The following KBTBD12 variants were observed in gnomAD, a reference collection of about 807,000 sequenced individuals.
KBTBD12 encodes kelch repeat and BTB domain-containing protein 12.
Under a neutral mutation model 58.7 loss-of-function variants are expected in KBTBD12, and 53 were observed. The ratio of observed to expected loss-of-function variants is 0.90; its 90% CI spans 0.72 to 1.14. The LOEUF is 1.14. Ranked by LOEUF, KBTBD12 falls within the 50% of genes most tolerant of loss-of-function variation. The probability of loss-of-function intolerance (pLI) is 0.00; values close to 1 mark genes in which losing one functional copy is unlikely to be tolerated. For missense variants in KBTBD12, 704 were observed against 751.3 expected, an observed-to-expected ratio of 0.94 and a Z score of 0.74; for synonymous variants, 236 against 259.8, an observed-to-expected ratio of 0.91 and a Z score of 0.88.
intron 2 of KBTBD12, among the ~76,000 whole-genome samples, chr3:127,927,108 A>T (rs1248470648): frequency 6.6e-6 from 1 of 152,116 alleles, no homozygotes; most frequent in East Asian, 1.9e-4. Flanking sequence ...CCTAGTTCTT[A>T]AGACTCTTAG....
At chr3:127,955,171 C>G (rs917498254) in intron 4 of KBTBD12, among the ~76,000 whole-genome samples, 1 of 152,130 alleles carries the variant, frequency 6.6e-6, no homozygotes, top group African/African-American at 2.4e-5. Context: ...TTTTACAGGT[C>G]TTATGGAGAA....
intron 4 of KBTBD12, among the ~76,000 whole-genome samples, chr3:127,936,976 T>C (rs1939842990): frequency 6.6e-6 from 1 of 152,170 alleles, no homozygotes; most frequent in Non-Finnish European, 1.5e-5. Flanking sequence ...GCTTGAATCA[T>C]GAATTTATTT....
intron 3 of KBTBD12, among the ~76,000 whole-genome samples, chr3:127,929,022 T>A (rs550287559): frequency 3.3e-5 from 5 of 152,348 alleles, no homozygotes; most frequent in South Asian, 2.1e-4. Flanking sequence ...TAAACTTTTT[T>A]AAAACTATCC....
chr3:127,966,259 C>T (rs1471503175), intron 5 of KBTBD12, among the ~76,000 whole-genome samples: 1 of 152,156 alleles, frequency 6.6e-6, no homozygotes, highest in East Asian at 1.9e-4. Context: ...TCTGACCAGC[C>T]CCCAACTAAG....
In KBTBD12 at chr3:127,987,240, A is replaced by G. The variant is rs955968069; in HGVS notation, c.*2962A>G. On this transcript the variant is annotated 3_prime_UTR_variant, in exon 6 of 6. Coordinates refer to ENST00000405109, the MANE Select transcript of KBTBD12 (RefSeq NM_207335.4). ...GATCTTGATTTTTCTTTGATTCCATACAACAGATTGCTTGCCTGGGTTAGT... is the reference window on the plus strand; with the variant it reads ...GATCTTGATTTTTCTTTGATTCCATGCAACAGATTGCTTGCCTGGGTTAGT... 6.6e-6 allele frequency: 1 copy of G among 152,226 alleles called. No homozygotes were observed. Among genetic ancestry groups the G allele is most frequent in the Non-Finnish European group, 1.5e-5 (1 of 68,046 alleles). 9.4% of individuals were successfully genotyped at this position (152,226 alleles called of 1,614,324 possible).
chr3:127,945,475 C>T (rs1251188339), intron 4 of KBTBD12, among the ~76,000 whole-genome samples: 12 of 151,516 alleles, frequency 7.9e-5, no homozygotes, highest in Admixed American at 5.9e-4. Context: ...TGAGCCACCG[C>T]GCCCGGCCAA....
intron 4 of KBTBD12, among the ~76,000 whole-genome samples, chr3:127,943,741 G>A (rs1940010287): frequency 2.0e-5 from 3 of 151,626 alleles, no homozygotes; most frequent in African/African-American, 7.3e-5. Flanking sequence ...AGGTTTTGGT[G>A]TCATATTCAA....
chr3:127,944,945 A>G (rs1940039301), intron 4 of KBTBD12, among the ~76,000 whole-genome samples: 1 of 151,518 alleles, frequency 6.6e-6, no homozygotes, highest in Admixed American at 6.6e-5. Flanking sequence ...CCGTGGCACA[A>G]TCATGGCTCA....
At chr3:127,940,739 GA>G (rs199786941) in intron 4 of KBTBD12, among the ~76,000 whole-genome samples, 7 of 148,564 alleles carry the variant, frequency 4.7e-5, no homozygotes, top group East Asian at 2.0e-4. Flanking sequence ...ATTAGAGGCT[GA>G]AAAAAAAAGG....
At chr3:127,934,286 A>C (rs777441106) in intron 4 of KBTBD12, among the ~76,000 whole-genome samples, 6 of 152,216 alleles carry the variant, frequency 3.9e-5, no homozygotes, top group Non-Finnish European at 7.3e-5. Context: ...GAAATGTTAA[A>C]CTTGTGAAGT....
Position 127,925,359 on chromosome 3 carries a change from G to A in KBTBD12, c.1070+1228G>A, listed in dbSNP as rs193175501. 2.0e-5 allele frequency among the ~76,000 whole-genome samples: 3 copies of A among 152,254 alleles called. No homozygotes were observed. In the East Asian group the frequency reaches 5.8e-4, roughly 29 times the overall value. ...TGACTTCCTGATGTGGTTCTCAGGGGTCCATGCCACCAGTTTTACACTTGC... is the reference window on the plus strand; with the variant it reads ...TGACTTCCTGATGTGGTTCTCAGGGATCCATGCCACCAGTTTTACACTTGC... On this transcript the variant is annotated intron_variant, in intron 2 of 5. Transcript: ENST00000405109.
chr3:127,936,326 A>C (rs1422207047), intron 4 of KBTBD12, among the ~76,000 whole-genome samples: 94 of 151,956 alleles, frequency 6.2e-4, no homozygotes, highest in Admixed American at 6.1e-3. Context: ...AGATCATGCC[A>C]CTGCATTCTA....
At chr3:127,952,425 T>C (rs1940227486) in intron 4 of KBTBD12, among the ~76,000 whole-genome samples, 1 of 152,214 alleles carries the variant, frequency 6.6e-6, no homozygotes, top group Admixed American at 6.5e-5. Context: ...TGGGTTTTTT[T>C]CCTCTCCTTC....
intron 4 of KBTBD12, 107 bp downstream of exon 4, chr3:127,930,390 TTA>T (rs1221787002): frequency 1.1e-6 from 1 of 919,690 alleles, no homozygotes; most frequent in African/African-American, 1.7e-5. Flanking sequence ...CAGTTCAAAT[TTA>T]TATACAACTA....
intron 4 of KBTBD12, among the ~76,000 whole-genome samples, chr3:127,949,669 A>T (rs149587112): frequency 4.1e-4 from 63 of 152,312 alleles, no homozygotes; most frequent in African/African-American, 1.5e-3. Context: ...TCCTGAATTA[A>T]CTGGCTCTGT....
intron 4 of KBTBD12, among the ~76,000 whole-genome samples, chr3:127,938,498 A>G (rs1409662144): frequency 6.6e-6 from 1 of 152,200 alleles, no homozygotes; most frequent in East Asian, 1.9e-4. Flanking sequence ...AAAGAATGCA[A>G]TAAGTAAGAA....
intron 4 of KBTBD12, among the ~76,000 whole-genome samples, chr3:127,948,014 TA>T (rs1940121768): frequency 6.6e-6 from 1 of 152,240 alleles, no homozygotes; most frequent in African/African-American, 2.4e-5. Flanking sequence ...TGACATCTTA[TA>T]AAGAAGTGGA....
chr3:127,974,178 A>G (rs1219316747), intron 5 of KBTBD12, among the ~76,000 whole-genome samples: 1 of 152,256 alleles, frequency 6.6e-6, no homozygotes, highest in East Asian at 1.9e-4. Flanking sequence ...CAATTATATC[A>G]GCAAACCTAA....
intron 4 of KBTBD12, among the ~76,000 whole-genome samples, chr3:127,946,122 T>A (rs1443191690): frequency 6.6e-6 from 1 of 152,236 alleles, no homozygotes; most frequent in Non-Finnish European, 1.5e-5. Flanking sequence ...CTTCCACCCG[T>A]TGTACTTTTC....
Sources: gnomAD v4.1 joint callset for allele counts (sites outside exome capture counted in the v4.1 genomes callset) on GRCh38, gnomAD v4.1.1 for gene constraint, MANE v1.5 for transcripts, NCBI Gene and HGNC (gene_info 2026-07-23, HGNC 2026-07-21) for gene names.